The following VAV3 variants were observed in gnomAD, a reference collection of about 807,000 sequenced individuals.
VAV3 encodes guanine nucleotide exchange factor VAV3.
VAV3 carries 94 observed loss-of-function variants against 131.2 expected under a neutral mutation model. The observed-to-expected ratio is 0.72, with a 90% confidence interval of 0.61 to 0.85. VAV3 has a LOEUF of 0.85. Ranked by LOEUF, VAV3 falls within the 40% of genes least tolerant of loss-of-function variation. VAV3 has a pLI of 0.00. For missense variants in VAV3, 939 were observed against 1,002.7 expected (o/e 0.94, Z 0.86); for synonymous variants, 349 against 342.0 (o/e 1.02, Z -0.22).
At chr1:107,884,449 T>C (rs1243664868) in intron 1 of VAV3, among the ~76,000 whole-genome samples, 1 of 137,842 alleles carries the variant, frequency 7.3e-6, no homozygotes, top group East Asian at 2.1e-4. Flanking sequence ...TTATTATTAT[T>C]ATTTTGAGAC....
intron 15 of VAV3, among the ~76,000 whole-genome samples, chr1:107,734,911 T>C (rs1047591119): frequency 6.6e-6 from 1 of 152,234 alleles, no homozygotes; most frequent in Non-Finnish European, 1.5e-5. Flanking sequence ...TACATTCTTC[T>C]CAGCACCACA....
chr1:107,888,704 C>T (rs975771917), intron 1 of VAV3, among the ~76,000 whole-genome samples: 2 of 152,080 alleles, frequency 1.3e-5, no homozygotes, highest in African/African-American at 4.8e-5. Flanking sequence ...AGTGATCCCC[C>T]CGCCTCGGCC....
intron 20 of VAV3, among the ~76,000 whole-genome samples, chr1:107,620,609 T>C (rs1653507816): frequency 6.6e-6 from 1 of 152,114 alleles, no homozygotes; most frequent in Non-Finnish European, 1.5e-5. Context: ...TCACTTTTTT[T>C]TTGTTCACAC....
At chr1:107,689,000 C>T (rs1414067155) in intron 17 of VAV3, among the ~76,000 whole-genome samples, 3 of 152,050 alleles carry the variant, frequency 2.0e-5, no homozygotes, top group African/African-American at 7.3e-5. Flanking sequence ...AGTTTACCTC[C>T]AGAAATAGGA....
chr1:107,623,756 T>C (rs1431526932), intron 20 of VAV3, among the ~76,000 whole-genome samples: 1 of 152,140 alleles, frequency 6.6e-6, no homozygotes, highest in Non-Finnish European at 1.5e-5. Context: ...CCATAAGCTA[T>C]GCATTTTTGT....
intron 1 of VAV3, among the ~76,000 whole-genome samples, chr1:107,930,681 T>G (rs1015270374): frequency 1.3e-5 from 2 of 152,172 alleles, no homozygotes; most frequent in Non-Finnish European, 2.9e-5. Context: ...TAGGCAAAGA[T>G]TAATAATAAA....
intron 18 of VAV3, among the ~76,000 whole-genome samples, chr1:107,687,630 C>T (rs770995085): frequency 1.1e-4 from 16 of 152,048 alleles, no homozygotes; most frequent in Non-Finnish European, 1.6e-4. Flanking sequence ...TGTCTGGGAA[C>T]CATTAAAATC....
intron 1 of VAV3, among the ~76,000 whole-genome samples, chr1:107,920,483 T>C (rs994803983): frequency 6.6e-6 from 1 of 152,154 alleles, no homozygotes; most frequent in Admixed American, 6.5e-5. Flanking sequence ...AGACAGGGCA[T>C]TTTGCTCATC....
chr1:107,636,755 A>G (rs1654960048), intron 20 of VAV3, among the ~76,000 whole-genome samples: 2 of 151,750 alleles, frequency 1.3e-5, no homozygotes, highest in Non-Finnish European at 3.0e-5. Flanking sequence ...AAATCAAACC[A>G]TCATAAGGCA....
chr1:107,802,490 C>T (rs1666872571), intron 2 of VAV3, among the ~76,000 whole-genome samples: 1 of 151,914 alleles, frequency 6.6e-6, no homozygotes, highest in South Asian at 2.1e-4. Context: ...TCATATATGG[C>T]CTTTATTATT....
intron 19 of VAV3, among the ~76,000 whole-genome samples, chr1:107,682,841 A>G (rs1557759269): frequency 6.6e-6 from 1 of 152,218 alleles, no homozygotes; most frequent in Non-Finnish European, 1.5e-5. Context: ...ACTCACAACA[A>G]AAGGATCACA....
At chr1:107,868,178 A>T (rs531262811) in intron 2 of VAV3, among the ~76,000 whole-genome samples, 2 of 152,324 alleles carry the variant, frequency 1.3e-5, no homozygotes, top group South Asian at 4.1e-4. Context: ...TGGATGACAT[A>T]AAGCCCAAAG....
At chr1:107,648,333 A>G (rs924223219) in intron 19 of VAV3, among the ~76,000 whole-genome samples, 1 of 152,032 alleles carries the variant, frequency 6.6e-6, no homozygotes, top group Admixed American at 6.6e-5. Flanking sequence ...AAGATATGAT[A>G]ATGTCTTTGG....
intron 15 of VAV3, among the ~76,000 whole-genome samples, chr1:107,719,234 G>A (rs1022750802): frequency 6.6e-6 from 1 of 152,174 alleles, no homozygotes; most frequent in Admixed American, 6.5e-5. Flanking sequence ...AAGAGCTTCT[G>A]CACGGCAAAA....
intron 19 of VAV3, chr1:107,669,171 C>G: frequency 5.6e-6 from 6 of 1,075,894 alleles, no homozygotes; most frequent in Non-Finnish European, 5.7e-6. Flanking sequence ...TTACAAAAAC[C>G]TCCTGCTATT....
intron 19 of VAV3, among the ~76,000 whole-genome samples, chr1:107,667,141 C>T (rs1657467001): frequency 6.6e-6 from 1 of 152,152 alleles, no homozygotes; most frequent in Non-Finnish European, 1.5e-5. Flanking sequence ...ACCTCTGCTC[C>T]AGGAATGTAT....
At chr1:107,822,893 AC>A (rs1667863414) in intron 2 of VAV3, among the ~76,000 whole-genome samples, 3 of 152,026 alleles carry the variant, frequency 2.0e-5, no homozygotes, top group African/African-American at 7.3e-5. Context: ...AGTTAACAAG[AC>A]CCTTCCTTGT....
rs1392480407 is a variant in VAV3 at position 107,962,118 on chromosome 1, T to C, written c.204+2548A>G. Reference sequence around the variant, plus strand: ...TTATTTCTCAGGTTAGGAGATCATGTGCTATAAAAAATAGTCTATTTCAAA... The same window carrying C: ...TTATTTCTCAGGTTAGGAGATCATGCGCTATAAAAAATAGTCTATTTCAAA... On this transcript the variant is annotated intron_variant, in intron 1 of 26. Transcript: ENST00000370056. Among the ~76,000 whole-genome samples the C allele has an allele frequency of 5.1e-4, 78 of 152,236 alleles. 1 individual carries two copies. Among genetic ancestry groups the C allele is most frequent in the Admixed American group, 5.1e-3 (78 of 15,286 alleles).
intron 19 of VAV3, among the ~76,000 whole-genome samples, chr1:107,652,674 T>C (rs1369667069): frequency 2.0e-5 from 3 of 152,192 alleles, no homozygotes; most frequent in Admixed American, 6.6e-5. Context: ...TTTATTTTCA[T>C]AGCCAAATTT....
Sources: gnomAD v4.1 joint callset for allele counts (sites outside exome capture counted in the v4.1 genomes callset) on GRCh38, gnomAD v4.1.1 for gene constraint, MANE v1.5 for transcripts, NCBI Gene and HGNC (gene_info 2026-07-23, HGNC 2026-07-21) for gene names.